Variants in LEMD1 observed in about 807,000 individuals in gnomAD.
LEMD1 encodes LEM domain containing 1.
Under a neutral mutation model 17.4 loss-of-function variants are expected in LEMD1, and 18 were observed. The ratio of observed to expected loss-of-function variants is 1.04; its 90% CI spans 0.72 to 1.54. The LOEUF (loss-of-function observed/expected upper bound fraction) is 1.54. Among genes scored for constraint, LEMD1 ranks in the 40% most tolerant of loss-of-function variants. LEMD1 has a pLI of 0.00. For synonymous variants in LEMD1, 88 were observed against 77.8 expected, an observed-to-expected ratio of 1.13 and a Z score of -0.69; for missense variants, 195 against 210.4, an observed-to-expected ratio of 0.93 and a Z score of 0.45.
rs552354134 is a variant in LEMD1, at chr1:205,416,323, T to C, written c.206-27A>G. On this transcript the variant is annotated intron_variant, in intron 3 of 5. Coordinates refer to ENST00000367153, the MANE Select transcript of LEMD1 (RefSeq NM_001199050.2). ...TGGATCATGGGAAACAAAAGGAAAA[T>C]AGGCCATGAGAACATTTGAGCTAGC... The C allele has an allele frequency of 5.5e-6, 8 of 1,466,298 alleles. No individual in the cohort carries two copies. In the African/African-American group the frequency reaches 9.9e-5, roughly 18 times the overall value. The allele number at this position is 1,466,298 out of a possible 1,614,324, so 90.8% of individuals were successfully genotyped here. A position where few individuals can be genotyped will look rare whatever the true frequency, so the allele number is the denominator to read the frequency against.
At chr1:205,391,010 C>CAATAT (rs10693966) in intron 4 of LEMD1, among the ~76,000 whole-genome samples, 32,971 of 151,876 alleles carry the variant, frequency 0.22, 3,731 homozygotes, top group Middle Eastern at 0.29. Flanking sequence ...CAGCACCGCA[C>CAATAT]AATATACCTG....
At chr1:205,430,144 C>T (rs1477704515) in intron 1 of LEMD1, among the ~76,000 whole-genome samples, 2 of 152,208 alleles carry the variant, frequency 1.3e-5, no homozygotes, top group Admixed American at 6.5e-5. Context: ...AACCAGCAGG[C>T]TCCTCACTTT....
chr1:205,418,704 C>T (rs535708729), intron 3 of LEMD1, among the ~76,000 whole-genome samples: 149 of 152,208 alleles, frequency 9.8e-4, no homozygotes, highest in Non-Finnish European at 1.9e-3. Flanking sequence ...TTAGTAGAGA[C>T]GAGGTTTCAC....
chr1:205,440,091 G>A (rs1420474489), intron 1 of LEMD1, among the ~76,000 whole-genome samples: 1 of 152,086 alleles, frequency 6.6e-6, no homozygotes, highest in Admixed American at 6.5e-5. Flanking sequence ...AAAAGGCAGG[G>A]GAGACAGGAG....
At chr1:205,406,147 G>T (rs1665089835) in intron 4 of LEMD1, among the ~76,000 whole-genome samples, 1 of 152,276 alleles carries the variant, frequency 6.6e-6, no homozygotes, top group Middle Eastern at 3.4e-3. Context: ...CTGCTCGGGG[G>T]TCAGGGGTCA....
chr1:205,415,565 A>T (rs1024368033), intron 4 of LEMD1, among the ~76,000 whole-genome samples: 5 of 152,242 alleles, frequency 3.3e-5, no homozygotes, highest in East Asian at 1.9e-4. Context: ...AGACAGAAAA[A>T]GTCACTAGAG....
At chr1:205,413,055 G>T (rs1484608573) in intron 4 of LEMD1, among the ~76,000 whole-genome samples, 1 of 152,190 alleles carries the variant, frequency 6.6e-6, no homozygotes, top group African/African-American at 2.4e-5. Flanking sequence ...TTTGAACTAT[G>T]TTTAAACGGG....
At chr1:205,410,305 G>A (rs1361307144) in intron 4 of LEMD1, among the ~76,000 whole-genome samples, 1 of 152,052 alleles carries the variant, frequency 6.6e-6, no homozygotes, top group African/African-American at 2.4e-5. Flanking sequence ...GCCTTTTTCT[G>A]CACTTATATT....
chr1:205,437,550 C>T (rs1210455020), intron 1 of LEMD1: 1 of 152,306 alleles, frequency 6.6e-6, no homozygotes, highest in Non-Finnish European at 1.5e-5. Flanking sequence ...TCTCACTCCC[C>T]CTCTCACTTC....
In LEMD1 at chr1:205,441,253, G is replaced by A. The variant is rs959219709; in HGVS notation, c.-39+8615C>T. 1.3e-5 allele frequency among the ~76,000 whole-genome samples: 2 copies of A among 152,196 alleles called. No individual in the cohort carries two copies. The highest frequency in any genetic ancestry group is 4.8e-5 in the African/African-American group (2 of 41,444). On this transcript the variant is annotated intron_variant, in intron 1 of 3. Coordinates refer to the LEMD1 transcript ENST00000367154. The surrounding 1 kb of genome is among the most constrained non-coding windows in gnomAD (Gnocchi z 4.3). ...TAAACAACAGCTCTTTGAAACCTCA[G>A]TGTTTCCTGATCTGTGTGGAGCTGA...
At chr1:205,416,358 A>C in intron 3 of LEMD1, 62 bp from the exon 4 acceptor site, 2 of 1,181,918 alleles carry the variant, frequency 1.7e-6, no homozygotes, top group Non-Finnish European at 2.4e-6. Context: ...CAAAGGGAAT[A>C]AACATCAATC....
intron 4 of LEMD1, among the ~76,000 whole-genome samples, chr1:205,414,880 C>T (rs1209508782): frequency 6.6e-6 from 1 of 152,108 alleles, no homozygotes; most frequent in East Asian, 1.9e-4. Flanking sequence ...AGAATGAGAC[C>T]CTGTCTCTAA....
At chr1:205,399,096 T>C (rs1664718848) in intron 4 of LEMD1, among the ~76,000 whole-genome samples, 2 of 152,188 alleles carry the variant, frequency 1.3e-5, no homozygotes, top group South Asian at 4.2e-4. Context: ...AAGCCTGTAG[T>C]TCCAGCTACT....
chr1:205,408,502 CTTT>C (rs573634699), intron 4 of LEMD1, among the ~76,000 whole-genome samples: 2,024 of 136,844 alleles, frequency 0.015, 50 homozygotes, highest in African/African-American at 0.051. Flanking sequence ...TTCTTTCTTT[CTTT>C]TTTTTTTTTT....
At chr1:205,434,112 T>TA (rs1443216289) in intron 1 of LEMD1, among the ~76,000 whole-genome samples, 1 of 152,180 alleles carries the variant, frequency 6.6e-6, no homozygotes, top group African/African-American at 2.4e-5. Flanking sequence ...CTCTCTTTTA[T>TA]AAGTCTGAAA....
At chr1:205,423,164 G>A (rs1028203088), upstream of LEMD1, among the ~76,000 whole-genome samples, 4 of 152,174 alleles carry the variant, frequency 2.6e-5, no homozygotes, top group Admixed American at 1.3e-4. Flanking sequence ...AGAGCTGAAC[G>A]TCTTTGGGTG....
At chr1:205,449,184 A>C (rs890293109) in intron 1 of LEMD1, among the ~76,000 whole-genome samples, 2 of 152,152 alleles carry the variant, frequency 1.3e-5, no homozygotes, top group African/African-American at 4.8e-5. Context: ...GTTAGCACAG[A>C]CATCTCTAGG....
chr1:205,425,666 A>G (rs1666045470), upstream of LEMD1, among the ~76,000 whole-genome samples: 1 of 152,170 alleles, frequency 6.6e-6, no homozygotes, highest in Non-Finnish European at 1.5e-5. Context: ...GGAAGAGTAA[A>G]CAGAGCCTTT....
chr1:205,421,529 T>C (rs1665958646), intron 1 of LEMD1, among the ~76,000 whole-genome samples: 1 of 152,220 alleles, frequency 6.6e-6, no homozygotes, highest in Non-Finnish European at 1.5e-5. Flanking sequence ...GAACACTGTA[T>C]ACAAGCTAGA....
Sources: gnomAD v4.1 joint callset for allele counts (sites outside exome capture counted in the v4.1 genomes callset) on GRCh38, gnomAD v4.1.1 for gene constraint, Gnocchi (gnomAD v3.1) non-coding constraint, MANE v1.5 for transcripts, NCBI Gene and HGNC (gene_info 2026-07-23, HGNC 2026-07-21) for gene names.